Variants in STPG2 observed in about 807,000 individuals in gnomAD.
The protein encoded by STPG2 is sperm tail PG-rich repeat containing 2, also known as sperm-tail PG-rich repeat-containing protein 2.
In STPG2, 56 loss-of-function variants were observed where a neutral mutation model predicts 54.2. The observed-to-expected ratio is 1.03, with a 90% CI of 0.83 to 1.29. The LOEUF (loss-of-function observed/expected upper bound fraction) is 1.29, where lower values mean the gene tolerates loss of function less well. Ranked by LOEUF, STPG2 falls within the 50% of genes most tolerant of loss-of-function variation. The pLI, the probability that STPG2 is intolerant of heterozygous loss-of-function variation, is 0.00. For missense variants in STPG2, 596 were observed against 544.9 expected (o/e 1.09, Z -0.93); for synonymous variants, 200 against 181.8 (o/e 1.10, Z -0.81).
chr4:97,745,911 C>T (rs193230713), intron 9 of STPG2, among the ~76,000 whole-genome samples: 2 of 151,226 alleles, frequency 1.3e-5, no homozygotes, highest in African/African-American at 4.8e-5. Flanking sequence ...ATCTTAACAT[C>T]TGGATTTCTA....
intron 7 of STPG2, among the ~76,000 whole-genome samples, chr4:97,945,750 C>T (rs1335616039): frequency 3.9e-5 from 6 of 151,932 alleles, no homozygotes; most frequent in Admixed American, 1.3e-4. Context: ...GGTTTTTGTT[C>T]GTTACTTTTT....
chr4:97,592,999 G>A (rs1410604607), intron 10 of STPG2, among the ~76,000 whole-genome samples: 1 of 152,118 alleles, frequency 6.6e-6, no homozygotes, highest in Non-Finnish European at 1.5e-5. Context: ...TTAACCACAA[G>A]GGACTACCTG....
At chr4:97,728,365 C>G (rs1406758582) in intron 9 of STPG2, among the ~76,000 whole-genome samples, 2 of 151,956 alleles carry the variant, frequency 1.3e-5, no homozygotes, top group East Asian at 3.8e-4. Context: ...AGTAAAAAGA[C>G]CTTCCATTTT....
chr4:97,899,754 T>C (rs1438936828), intron 8 of STPG2, among the ~76,000 whole-genome samples: 1 of 152,038 alleles, frequency 6.6e-6, no homozygotes, highest in African/African-American at 2.4e-5. Flanking sequence ...GGTGCCGGGA[T>C]AACTGGCAGC....
chr4:97,911,725 A>C (rs1731685549), intron 8 of STPG2, among the ~76,000 whole-genome samples: 1 of 152,004 alleles, frequency 6.6e-6, no homozygotes, highest in South Asian at 2.1e-4. Flanking sequence ...GAAGCGACAA[A>C]GGTCTTCACG....
chr4:97,800,552 C>T (rs555053166), intron 9 of STPG2, among the ~76,000 whole-genome samples: 9 of 152,316 alleles, frequency 5.9e-5, no homozygotes, highest in African/African-American at 2.2e-4. Context: ...AGCTTCGTCT[C>T]AGAGTGGTAC....
intron 9 of STPG2, among the ~76,000 whole-genome samples, chr4:97,828,604 G>C (rs753951271): frequency 6.6e-6 from 1 of 152,080 alleles, no homozygotes; most frequent in Non-Finnish European, 1.5e-5. Flanking sequence ...GCCTCAGTGG[G>C]TCTCACCTCC....
intron 5 of STPG2, among the ~76,000 whole-genome samples, chr4:97,991,944 A>C (rs571807627): frequency 4.8e-4 from 63 of 130,510 alleles, no homozygotes; most frequent in Admixed American, 4.6e-3. Context: ...CCCACTTTTT[A>C]TGAAATTGTT....
At chr4:97,754,453 T>C (rs528593796) in intron 9 of STPG2, among the ~76,000 whole-genome samples, 2 of 152,270 alleles carry the variant, frequency 1.3e-5, no homozygotes, top group Admixed American at 6.5e-5. Flanking sequence ...TTCTATTTTA[T>C]AGAATAAGAT....
chr4:97,867,977 G>T (rs972658997), intron 8 of STPG2, among the ~76,000 whole-genome samples: 2 of 151,868 alleles, frequency 1.3e-5, no homozygotes, highest in Non-Finnish European at 2.9e-5. Context: ...AAAATTAGGG[G>T]TTTTATTTTT....
At chr4:97,783,822 G>A (rs1483377897) in intron 9 of STPG2, among the ~76,000 whole-genome samples, 2 of 151,742 alleles carry the variant, frequency 1.3e-5, no homozygotes, top group Non-Finnish European at 2.9e-5. Flanking sequence ...CTATCACAAG[G>A]ACAAAAAACC....
At chr4:98,130,859 T>G (rs1465550512) in intron 2 of STPG2, among the ~76,000 whole-genome samples, 1 of 144,926 alleles carries the variant, frequency 6.9e-6, no homozygotes, top group East Asian at 2.1e-4. Flanking sequence ...GAGGTGGAGC[T>G]TGCAGTGAGC....
intron 8 of STPG2, among the ~76,000 whole-genome samples, chr4:97,881,496 G>A (rs1055432412): frequency 6.6e-6 from 1 of 151,864 alleles, no homozygotes; most frequent in African/African-American, 2.4e-5. Context: ...CTCATAAATG[G>A]GCAAGTAAGA....
At chr4:97,940,625 T>G (rs566198953) in intron 8 of STPG2, among the ~76,000 whole-genome samples, 1 of 152,316 alleles carries the variant, frequency 6.6e-6, no homozygotes, top group African/African-American at 2.4e-5. Context: ...GTGAAATTCT[T>G]GTATTGTGTT....
In STPG2 at chr4:97,451,216, G is replaced by A. The variant is rs182515472; in HGVS notation, c.462+261483C>T. Among the ~76,000 whole-genome samples, 5 of 152,260 alleles carry A rather than the reference G, an allele frequency of 3.3e-5. No individual in the cohort carries two copies. The East Asian group carries it at 9.6e-4, about 29-fold the overall frequency. On this transcript the variant is annotated intron_variant, in intron 4 of 4. Transcript: ENST00000522676. ...TGTCAGAGAGTGGTATGTTAGGAAA[G>A]CCAAGAGAAGTGAATGTATCTGTCT... is the stretch of plus-strand genomic sequence containing the variant.
At chr4:97,477,831 TG>T (rs1164070192) in intron 4 of STPG2, among the ~76,000 whole-genome samples, 1 of 152,064 alleles carries the variant, frequency 6.6e-6, no homozygotes, top group East Asian at 1.9e-4. Context: ...TCCTTGTTTT[TG>T]TCATTATCTA....
chr4:97,739,418 T>G (rs1725140421), intron 9 of STPG2, among the ~76,000 whole-genome samples: 1 of 152,110 alleles, frequency 6.6e-6, no homozygotes, highest in Admixed American at 6.5e-5. Context: ...AATTAATGAA[T>G]CCAGGAGCTG....
chr4:97,755,176 C>T (rs1286107213), intron 9 of STPG2, among the ~76,000 whole-genome samples: 3 of 152,170 alleles, frequency 2.0e-5, no homozygotes, highest in African/African-American at 4.8e-5. Flanking sequence ...AATAAACAGG[C>T]ATCTTTAATT....
intron 9 of STPG2, among the ~76,000 whole-genome samples, chr4:97,799,067 C>T (rs1463749571): frequency 8.0e-6 from 1 of 125,066 alleles, no homozygotes; most frequent in African/African-American, 3.1e-5. Flanking sequence ...TATTTTGAGC[C>T]TCTGTGTGTC....
Sources: gnomAD v4.1 joint callset for allele counts (sites outside exome capture counted in the v4.1 genomes callset) on GRCh38, gnomAD v4.1.1 for gene constraint, MANE v1.5 for transcripts, NCBI Gene and HGNC (gene_info 2026-07-23, HGNC 2026-07-21) for gene names.